The following PNLIP variants were observed in gnomAD, a reference collection of about 807,000 sequenced individuals.
The protein encoded by PNLIP is pancreatic lipase.
Under a neutral mutation model 57.1 loss-of-function variants are expected in PNLIP, and 49 were observed. That is an observed-to-expected ratio of 0.86 (90% CI 0.68 to 1.09). The LOEUF is 1.09. Ranked by LOEUF, PNLIP falls within the 50% of genes least tolerant of loss-of-function variation. PNLIP has a pLI of 0.00. For missense variants in PNLIP, 503 were observed against 570.2 expected (o/e 0.88, Z 1.20); for synonymous variants, 209 against 200.4 (o/e 1.04, Z -0.36).
chr10:116,551,368 T>C (rs1172064469), intron 5 of PNLIP, 136 bp downstream of exon 5: 2 of 579,506 alleles, frequency 3.5e-6, no homozygotes, highest in East Asian at 6.9e-5. Context: ...TTCTCTTGGC[T>C]ACAAAGAAAA....
chr10:116,557,523 A>T (rs578065674), intron 9 of PNLIP, among the ~76,000 whole-genome samples: 2 of 152,148 alleles, frequency 1.3e-5, no homozygotes, highest in Non-Finnish European at 2.9e-5. Flanking sequence ...TGATGGGCAC[A>T]CTGCTGTATT....
intron 10 of PNLIP, among the ~76,000 whole-genome samples, chr10:116,559,517 G>A (rs533791062): frequency 1.3e-5 from 2 of 152,194 alleles, no homozygotes; most frequent in African/African-American, 4.8e-5. Context: ...ATTTGATTCT[G>A]GTGCTGAATT....
chr10:116,548,046 C>T (rs908549842), intron 3 of PNLIP, among the ~76,000 whole-genome samples: 1 of 151,820 alleles, frequency 6.6e-6, no homozygotes, highest in African/African-American at 2.4e-5. Context: ...TGTATCTCTA[C>T]ATAGATAAAG....
intron 12 of PNLIP, among the ~76,000 whole-genome samples, chr10:116,564,953 A>C (rs1371806585): frequency 1.3e-5 from 2 of 152,308 alleles, no homozygotes; most frequent in East Asian, 3.9e-4. Context: ...TATAATCCAA[A>C]ATAGAGTATA....
rs1483115715 is a variant in PNLIP at position 116,555,414 on chromosome 10, C to T, written c.718C>T (p.His240Tyr). The T allele has an allele frequency of 6.2e-7, 1 of 1,614,084 alleles. No individual in the cohort carries two copies. ...GTTTGGAATGAGCCAAGTCGTGGGC[C>T]ACCTAGATTTCTTTCCAAATGGAGG... ...LGFGMSQVVG[H>Y]LDFFPNGGVE... The change falls in exon 8 of 13, where the codon CAC (histidine) becomes TAC (tyrosine). Residue 240 changes from histidine to tyrosine, a missense_variant. By Grantham distance (83) the His-to-Tyr change is moderately conservative. Coordinates refer to ENST00000369221, the MANE Select transcript of PNLIP (RefSeq NM_000936.4).
intron 12 of PNLIP, among the ~76,000 whole-genome samples, chr10:116,565,056 G>T (rs1298342942): frequency 2.6e-5 from 4 of 151,862 alleles, no homozygotes; most frequent in Non-Finnish European, 1.5e-5. Context: ...GTCAGATCGA[G>T]ACCATCATGG....
chr10:116,551,438 T>G (rs1265339272), intron 5 of PNLIP: 20 of 379,376 alleles, frequency 5.3e-5, no homozygotes, highest in Non-Finnish European at 8.3e-5. Flanking sequence ...AAACTAGTTT[T>G]TTTAAGTTAA....
chr10:116,546,998 A>G (rs1273438790), intron 2 of PNLIP, among the ~76,000 whole-genome samples: 2 of 152,238 alleles, frequency 1.3e-5, no homozygotes, highest in African/African-American at 2.4e-5. Context: ...TTGAGCACCT[A>G]TAGCCCAAGG....
intron 12 of PNLIP, 38 bp from the exon 13 acceptor site, chr10:116,567,697 G>C: frequency 6.4e-7 from 1 of 1,553,840 alleles, no homozygotes; most frequent in African/African-American, 1.4e-5. Context: ...ATATGTGCCA[G>C]GAAGAGGAGG....
At chr10:116,557,539 A>G (rs1847265782) in intron 9 of PNLIP, among the ~76,000 whole-genome samples, 1 of 152,108 alleles carries the variant, frequency 6.6e-6, no homozygotes, top group African/African-American at 2.4e-5. Flanking sequence ...GTATTTAGAG[A>G]TGACGTCTTG....
At position 116,554,284 on chromosome 10, in the gene PNLIP, G is replaced by T. The variant is rs192284916; in HGVS notation, c.571+446G>T. Among the ~76,000 whole-genome samples, 224 of 152,274 alleles carry T rather than the reference G, an allele frequency of 1.5e-3. 1 individual carries two copies. The highest frequency in any genetic ancestry group is 5.1e-3 in the African/African-American group (213 of 41,560). ...ATGAATAGAATAAATTTCATAAATAGTAGAATAAATATAATTAAACCTAAG... is the reference window on the plus strand; with the variant it reads ...ATGAATAGAATAAATTTCATAAATATTAGAATAAATATAATTAAACCTAAG... On this transcript the variant is annotated intron_variant, in intron 6 of 12. Coordinates refer to ENST00000369221, the MANE Select transcript of PNLIP (RefSeq NM_000936.4).
In PNLIP at chr10:116,557,992, T is replaced by C. The variant is rs893859848; in HGVS notation, c.931-1162T>C. ...GAAAAAAGCCGGGCGCGGTGGCTCATGCCTGTAATCCCAGCACTTTGGGAG... is the reference window on the plus strand; with the variant it reads ...GAAAAAAGCCGGGCGCGGTGGCTCACGCCTGTAATCCCAGCACTTTGGGAG... On this transcript the variant is annotated intron_variant, in intron 9 of 12. Coordinates refer to ENST00000369221, the MANE Select transcript of PNLIP (RefSeq NM_000936.4). Among the ~76,000 whole-genome samples, 41 of 151,690 alleles carry C rather than the reference T, an allele frequency of 2.7e-4. 1 individual carries two copies. Among genetic ancestry groups the C allele is most frequent in the East Asian group, 9.9e-4 (5 of 5,044 alleles).
Position 116,559,263 on chromosome 10 carries a change from G to T in PNLIP, c.1040G>T (p.Gly347Val), listed in dbSNP as rs1285721600. ...GGCCAGAAATTTTATCTAGACACTG[G>T]TGATGCCAGTAATTTTGCACGTAAG... ...DVGQKFYLDT[G>V]DASNFARWRY... Residue 347 changes from glycine (G) to valine (V), a missense_variant, in exon 10 of 13, where the codon GGT becomes GTT. Gly to Val is a moderately radical substitution (Grantham distance 109). Transcript: ENST00000369221. 6.2e-7 allele frequency: 1 copy of T among 1,613,254 alleles called. No individual in the cohort carries two copies. The highest frequency in any genetic ancestry group is 1.7e-5 in the Admixed American group (1 of 59,950).
chr10:116,561,399 A>G (rs760205102), intron 11 of PNLIP, 73 bp from the exon 12 acceptor site: 1,057 of 1,146,262 alleles, frequency 9.2e-4, no homozygotes, highest in Middle Eastern at 2.1e-3. Flanking sequence ...ACACACTTAC[A>G]TACACACAAA....
In PNLIP at chr10:116,556,117, C is replaced by T. The variant is rs560849219; in HGVS notation, c.929C>T (p.Ala310Val). The stretch of plus-strand genomic sequence containing the variant: ...TGTGCCTCTTACAACGTCTTCACTG[C>T]AGTAAGTAGACTCCACCTTCCGCAT... ...FPCASYNVFT[A>V]NKCFPCPSGG... The change falls in exon 9 of 13, where the codon GCA (alanine) becomes GTA (valine). Residue 310 changes from alanine (A) to valine (V), a missense_variant and splice_region_variant. By Grantham distance (64) the Ala-to-Val change is moderately conservative. Coordinates refer to ENST00000369221, the MANE Select transcript of PNLIP (RefSeq NM_000936.4). 3 of 1,562,066 alleles carry T rather than the reference C, an allele frequency of 1.9e-6. No homozygotes were observed. The South Asian group carries it at 3.3e-5, about 17-fold the overall frequency.
At chr10:116,563,888 A>C (rs1324091976) in intron 12 of PNLIP, among the ~76,000 whole-genome samples, 2 of 152,186 alleles carry the variant, frequency 1.3e-5, no homozygotes, top group African/African-American at 4.8e-5. Flanking sequence ...AAAATCTTAA[A>C]AATAACTTTA....
At chr10:116,561,013 C>T (rs1847310480) in intron 11 of PNLIP, among the ~76,000 whole-genome samples, 1 of 152,154 alleles carries the variant, frequency 6.6e-6, no homozygotes, top group Non-Finnish European at 1.5e-5. Context: ...ATCCTTACGC[C>T]TTAGTACCAT....
At chr10:116,560,222 G>C (rs1249023265) in intron 10 of PNLIP, among the ~76,000 whole-genome samples, 194 bp from the exon 11 acceptor site, 1 of 150,494 alleles carries the variant, frequency 6.6e-6, no homozygotes, top group Admixed American at 6.7e-5. Context: ...ATTACCTAAT[G>C]CCTGTCCCCT....
intron 6 of PNLIP, among the ~76,000 whole-genome samples, chr10:116,554,849 C>T (rs1358749335): frequency 1.3e-5 from 2 of 152,142 alleles, no homozygotes; most frequent in East Asian, 1.9e-4. Context: ...AAGCCAAGGT[C>T]CTTGCCCTTG....
Sources: allele counts gnomAD v4.1 joint callset (sites outside exome capture counted in the v4.1 genomes callset), GRCh38; gene constraint gnomAD v4.1.1; transcripts MANE v1.5; gene names NCBI Gene and HGNC (gene_info 2026-07-23, HGNC 2026-07-21).